Variants in ADAM21 observed in about 807,000 individuals in gnomAD.
The protein encoded by ADAM21 is disintegrin and metalloproteinase domain-containing protein 21.
For missense variants in ADAM21, 678 were observed against 874.4 expected, an observed-to-expected ratio of 0.78 and a Z score of 2.83; for synonymous variants, 262 against 306.0, an observed-to-expected ratio of 0.86 and a Z score of 1.50.
rs1323195171 is a variant in ADAM21, at chr14:70,459,380, G to A, written c.1881G>A (p.Leu627=). ...GCATCCATAAGAAGTGTGTCAGTCTGTCTGTCTTGTCACATGTCTGCCTTC... is the reference window on the plus strand; with the variant it reads ...GCATCCATAAGAAGTGTGTCAGTCTATCTGTCTTGTCACATGTCTGCCTTC... ...KICIHKKCVS[L]SVLSHVCLPE... The change falls in exon 2 of 2, where the codon CTG becomes CTA. Residue 627 remains leucine, a synonymous_variant. Coordinates refer to ENST00000603540, the MANE Select transcript of ADAM21 (RefSeq NM_003813.4). 1 of 1,614,226 alleles carries A rather than the reference G, an allele frequency of 6.2e-7. No homozygotes were observed.
At chr14:70,455,706 G>T (rs1889094127) in intron 1 of ADAM21, among the ~76,000 whole-genome samples, 1 of 151,942 alleles carries the variant, frequency 6.6e-6, no homozygotes, top group Admixed American at 6.6e-5. Flanking sequence ...AAAGGCATTT[G>T]CCTTTCCCTA....
rs763778151 is a variant in ADAM21 at position 70,459,371 on chromosome 14, T to G, written c.1872T>G (p.Cys624Trp). ...GPGKICIHKK[C>W]VSLSVLSHVC... The stretch of plus-strand genomic sequence containing the variant: ...GAAAGATCTGCATCCATAAGAAGTG[T>G]GTCAGTCTGTCTGTCTTGTCACATG... Residue 624 changes from cysteine to tryptophan, a missense_variant, in exon 2 of 2, where the codon TGT becomes TGG. Physicochemically the swap from Cys to Trp is radical, Grantham distance 215 (BLOSUM62 -2). Transcript: ENST00000603540. 5.6e-6 allele frequency: 9 copies of G among 1,614,090 alleles called. No individual in the cohort carries two copies. In the East Asian group the frequency reaches 1.8e-4, roughly 32 times the overall value.
rs1217429588 is a variant in ADAM21 at position 70,458,635 on chromosome 14, G to A, written c.1136G>A (p.Ser379Asn). 2 of 1,613,822 alleles carry A rather than the reference G, an allele frequency of 1.2e-6. No homozygotes were observed. Among genetic ancestry groups the A allele is most frequent in the Admixed American group, 3.3e-5 (2 of 60,004 alleles). The change falls in exon 2 of 2, where the codon AGT (serine) becomes AAT (asparagine). Residue 379 changes from serine (S) to asparagine (N), a missense_variant. By Grantham distance (46) the Ser-to-Asn change is conservative. Coordinates refer to ENST00000603540, the MANE Select transcript of ADAM21 (RefSeq NM_003813.4). ...CCAGCAGAGAAATTCACCAATTGCA[G>A]TTACGCTGATTTTATGAAGACCACC... ...RVPAEKFTNC[S>N]YADFMKTTLN...
In ADAM21 at chr14:70,459,101, T is replaced by C. The variant is rs2022624; in HGVS notation, c.1602T>C (p.Asn534=). The change falls in exon 2 of 2, where the codon AAT becomes AAC. Residue 534 remains asparagine (N), a synonymous_variant. Coordinates refer to ENST00000603540, the MANE Select transcript of ADAM21 (RefSeq NM_003813.4). ...CTCAGAATTGCTATAAAGAAATCAATTCTCAGGGAAACCGTTTTGGTCACT... is the reference window on the plus strand; with the variant it reads ...CTCAGAATTGCTATAAAGAAATCAACTCTCAGGGAAACCGTTTTGGTCACT... The part of the protein sequence containing the change: ...SASQNCYKEI[N]SQGNRFGHCG... 832,124 of 1,386,064 alleles carry C rather than the reference T, an allele frequency of 0.6. 286,347 individuals are homozygous for C. Among genetic ancestry groups the C allele is most frequent in the African/African-American group, 0.9 (65,610 of 72,894 alleles). 85.9% of individuals were successfully genotyped at this position (1,386,064 alleles called of 1,614,324 possible).
Position 70,459,489 on chromosome 14 carries a change from C to T in ADAM21, c.1990C>T (p.His664Tyr). The change falls in exon 2 of 2, where the codon CAC becomes TAC. Residue 664 changes from histidine (H) to tyrosine (Y), a missense_variant. By Grantham distance (83) the His-to-Tyr change is moderately conservative (BLOSUM62 2). Coordinates refer to ENST00000603540, the MANE Select transcript of ADAM21 (RefSeq NM_003813.4). ...GYGWSPPYCQ[H>Y]RGYGGSIDSG... ...TGGGTGGTCCCCACCCTACTGCCAG[C>T]ACAGAGGCTATGGGGGCAGTATTGA... The T allele has an allele frequency of 6.2e-7, 1 of 1,614,198 alleles. No individual in the cohort carries two copies.
At chr14:70,453,026 T>C (rs1940346086) in intron 1 of ADAM21, among the ~76,000 whole-genome samples, 1 of 128,490 alleles carries the variant, frequency 7.8e-6, no homozygotes, top group Non-Finnish European at 1.7e-5. Flanking sequence ...ATTTTATCTT[T>C]GAATTTGGCG....
intron 1 of ADAM21, among the ~76,000 whole-genome samples, chr14:70,455,360 A>G (rs1335242148): frequency 6.6e-6 from 1 of 152,130 alleles, no homozygotes; most frequent in Admixed American, 6.5e-5. Flanking sequence ...ACCTTCATCA[A>G]TATGTTGATC....
At chr14:70,453,727 A>T (rs1889070068) in intron 1 of ADAM21, among the ~76,000 whole-genome samples, 1 of 152,194 alleles carries the variant, frequency 6.6e-6, no homozygotes, top group African/African-American at 2.4e-5. Flanking sequence ...TAGAAAACAT[A>T]TCAAGAGAGA....
At chr14:70,452,635 G>A (rs1889053808) in intron 1 of ADAM21, among the ~76,000 whole-genome samples, 1 of 152,088 alleles carries the variant, frequency 6.6e-6, no homozygotes, top group Non-Finnish European at 1.5e-5. Context: ...CAAAGTGCTG[G>A]TATTACAGGC....
At chr14:70,452,532 A>AT (rs1391693226) in intron 1 of ADAM21, among the ~76,000 whole-genome samples, 6 of 151,858 alleles carry the variant, frequency 4.0e-5, no homozygotes, top group Admixed American at 3.9e-4. Flanking sequence ...CGCCTGGCTG[A>AT]TTTTTTTGTA....
rs1157213123 is a variant in ADAM21 at position 70,459,667 on chromosome 14, A to G, written c.2168A>G (p.Ter723=). The stretch of plus-strand genomic sequence containing the variant: ...GAAACTAAGGCTCATTCATCAGGTT[A>G]AGAAAATGTCTCTAACTTAATATTC... ...PKETKAHSSG[*] Residue 723 remains the stop codon, a stop_retained_variant, in exon 2 of 2, where the codon TAA becomes TGA. Transcript: ENST00000603540. The G allele has an allele frequency of 1.2e-6, 2 of 1,613,150 alleles. No homozygotes were observed. The highest frequency in any genetic ancestry group is 1.7e-6 in the Non-Finnish European group (2 of 1,179,426).
At position 70,459,830 on chromosome 14, in the gene ADAM21, A is replaced by G. The variant is rs535801484; in HGVS notation, c.*162A>G. ...ACCACAAACATTGTCATTAAGTTCA[A>G]GTTATTCTTAACATGTTTCTATCTA... On this transcript the variant is annotated 3_prime_UTR_variant, in exon 2 of 2. Transcript: ENST00000603540. 5.8e-5 allele frequency: 48 copies of G among 832,376 alleles called. No individual in the cohort carries two copies. Among genetic ancestry groups the G allele is most frequent in the Admixed American group, 8.1e-5 (3 of 36,856 alleles). 51.6% of individuals were successfully genotyped at this position (832,376 alleles called of 1,614,324 possible). A position where few individuals can be genotyped will look rare whatever the true frequency, so the allele number is the denominator to read the frequency against.
rs1172413585 is a variant in ADAM21 at position 70,459,050 on chromosome 14, T to A, written c.1551T>A (p.Ile517=). The A allele has an allele frequency of 1.2e-6, 2 of 1,613,546 alleles. No homozygotes were observed. The highest frequency in any genetic ancestry group is 2.7e-5 in the African/African-American group (2 of 74,728). ...CNNHDQHCRE[I]FGKDAKSASQ... ...ACCATGACCAGCATTGCAGGGAGAT[T>A]TTTGGTAAAGATGCAAAAAGTGCAT... is the stretch of plus-strand genomic sequence containing the variant. The change falls in exon 2 of 2, where the codon ATT becomes ATA. Residue 517 remains isoleucine, a synonymous_variant. Coordinates refer to ENST00000603540, the MANE Select transcript of ADAM21 (RefSeq NM_003813.4).
At chr14:70,453,849 G>A (rs1395147194) in intron 1 of ADAM21, among the ~76,000 whole-genome samples, 2 of 152,184 alleles carry the variant, frequency 1.3e-5, no homozygotes, top group African/African-American at 2.4e-5. Context: ...GCACCTTGTG[G>A]AATAAGGTGC....
chr14:70,454,129 G>C (rs1379279161), intron 1 of ADAM21, among the ~76,000 whole-genome samples: 4 of 152,192 alleles, frequency 2.6e-5, no homozygotes, highest in Non-Finnish European at 4.4e-5. Flanking sequence ...GAAGATTGAG[G>C]AGGTGCAAAT....
At chr14:70,455,676 A>G (rs768344777) in intron 1 of ADAM21, among the ~76,000 whole-genome samples, 2 of 152,110 alleles carry the variant, frequency 1.3e-5, no homozygotes, top group Non-Finnish European at 2.9e-5. Flanking sequence ...ATTTTGTTAT[A>G]ATTTCTACGG....
Position 70,457,841 on chromosome 14 carries a change from C to T in ADAM21, c.342C>T (p.Tyr114=), listed in dbSNP as rs61979126. Residue 114 remains tyrosine, a synonymous_variant, in exon 2 of 2, where the codon TAC becomes TAT. Transcript: ENST00000603540. ...CAGATGACTGTTACTATCATGGTTACGTGGAGGCAGCCCCTGAGTCTCTGG... is the reference window on the plus strand; with the variant it reads ...CAGATGACTGTTACTATCATGGTTATGTGGAGGCAGCCCCTGAGTCTCTGG... The part of the protein sequence containing the change: ...FIPDDCYYHG[Y]VEAAPESLVV... 0.058 allele frequency: 91,594 copies of T among 1,587,636 alleles called. 1,698 individuals carry two copies. Among genetic ancestry groups the T allele is most frequent in the Middle Eastern group, 0.12 (706 of 5,984 alleles).
intron 1 of ADAM21, among the ~76,000 whole-genome samples, chr14:70,456,076 G>A (rs1288481867): frequency 3.3e-5 from 5 of 151,936 alleles, no homozygotes; most frequent in Non-Finnish European, 7.4e-5. Context: ...CACATGCTCA[G>A]TGCTTACTAG....
At chr14:70,455,961 T>C (rs557922298) in intron 1 of ADAM21, among the ~76,000 whole-genome samples, 1 of 152,268 alleles carries the variant, frequency 6.6e-6, no homozygotes, top group East Asian at 1.9e-4. Flanking sequence ...CTGAGCCCCT[T>C]ACAGGGTCTT....
Sources: gnomAD v4.1 joint callset for allele counts (sites outside exome capture counted in the v4.1 genomes callset) on GRCh38, gnomAD v4.1.1 for gene constraint, MANE v1.5 for transcripts, NCBI Gene and HGNC (gene_info 2026-07-23, HGNC 2026-07-21) for gene names.